The following TMPRSS9 variants were observed in gnomAD, a reference collection of about 807,000 sequenced individuals.
The protein encoded by TMPRSS9 is transmembrane serine protease 9, also known as transmembrane protease serine 9.
TMPRSS9 carries 113 observed loss-of-function variants against 111.4 expected under a neutral mutation model. That is an observed-to-expected ratio of 1.01 (90% CI 0.87 to 1.19). The LOEUF is 1.19. Among genes scored for constraint, TMPRSS9 ranks in the 50% most tolerant of loss-of-function variants. The pLI is 0.00. For synonymous variants in TMPRSS9, 805 were observed against 659.1 expected, an observed-to-expected ratio of 1.22 and a Z score of -3.39; for missense variants, 1,803 against 1,513.1, an observed-to-expected ratio of 1.19 and a Z score of -3.18.
upstream of TMPRSS9, among the ~76,000 whole-genome samples, chr19:2,389,161 C>T (rs1244585143): frequency 6.6e-6 from 1 of 151,062 alleles, no homozygotes; most frequent in East Asian, 1.9e-4. Context: ...GCAACCTCCG[C>T]CTCCCGGGTT....
chr19:2,425,487 C>G (rs1235911318), exon 17 of TMPRSS9: 1 of 1,582,528 alleles, frequency 6.3e-7, no homozygotes, highest in Non-Finnish European at 8.5e-7. Flanking sequence ...GCGTGGACAG[C>G]TGCTCGGTGA....
chr19:2,421,470 G>A (rs1028221070), intron 13 of TMPRSS9, among the ~76,000 whole-genome samples: 24 of 151,808 alleles, frequency 1.6e-4, no homozygotes, highest in Middle Eastern at 3.4e-3. Flanking sequence ...TGTATTTTTA[G>A]TAGAGACGGG....
intron 9 of TMPRSS9, among the ~76,000 whole-genome samples, chr19:2,411,534 A>T (rs1971097102): frequency 6.7e-6 from 1 of 149,122 alleles, no homozygotes; most frequent in Admixed American, 6.7e-5. Context: ...AGTAGCTGTG[A>T]TTATAGGCAT....
chr19:2,363,404 G>C (rs1028672928), intron 1 of TMPRSS9, among the ~76,000 whole-genome samples: 2 of 151,944 alleles, frequency 1.3e-5, no homozygotes, highest in African/African-American at 4.8e-5. Context: ...TTGCGGAGAC[G>C]TGGAGGCATG....
chr19:2,381,116 AG>A (rs1970381897), intron 1 of TMPRSS9, among the ~76,000 whole-genome samples: 1 of 152,032 alleles, frequency 6.6e-6, no homozygotes, highest in Admixed American at 6.6e-5. Context: ...CTCTGAGCTC[AG>A]AGAATCGTAT....
chr19:2,369,469 G>A (rs1229301875), intron 1 of TMPRSS9, among the ~76,000 whole-genome samples: 1 of 152,014 alleles, frequency 6.6e-6, no homozygotes, highest in African/African-American at 2.4e-5. Context: ...CCCTCACCCA[G>A]GCTGCAGTGT....
intron 1 of TMPRSS9, among the ~76,000 whole-genome samples, chr19:2,376,697 T>C (rs1442873752): frequency 6.6e-6 from 1 of 152,136 alleles, no homozygotes. Flanking sequence ...CCTCAAATGA[T>C]CCGCTCTCCT....
At chr19:2,363,552 C>T (rs1028787119) in intron 1 of TMPRSS9, among the ~76,000 whole-genome samples, 4 of 151,382 alleles carry the variant, frequency 2.6e-5, no homozygotes, top group South Asian at 2.1e-4. Context: ...GGAGTGAGGT[C>T]GCGTGATTCC....
intron 7 of TMPRSS9, among the ~76,000 whole-genome samples, chr19:2,406,053 C>A (rs1485243312): frequency 9.1e-5 from 13 of 142,258 alleles, no homozygotes; most frequent in African/African-American, 3.2e-4. Flanking sequence ...CTCTGTCACC[C>A]AGGCTGGAGT....
exon 11 of TMPRSS9, chr19:2,415,724 G>C (rs1971215350): frequency 6.2e-7 from 1 of 1,609,668 alleles, no homozygotes; most frequent in Non-Finnish European, 8.5e-7. Flanking sequence ...GGCGGGTTCG[G>C]AGCTGCCTCC....
At chr19:2,385,881 C>G (rs1970465533), upstream of TMPRSS9, among the ~76,000 whole-genome samples, 1 of 151,880 alleles carries the variant, frequency 6.6e-6, no homozygotes, top group Non-Finnish European at 1.5e-5. Flanking sequence ...CGTATCTATT[C>G]CAGGGGTCAG....
exon 18 of TMPRSS9, chr19:2,426,238 A>AAGGTC: frequency 5.7e-6 from 5 of 870,078 alleles, no homozygotes; most frequent in Middle Eastern, 3.4e-4. Context: ...CCTTTGTTCC[A>AAGGTC]ATAAACACAG....
chr19:2,415,237 G>A (rs531469519), intron 10 of TMPRSS9, among the ~76,000 whole-genome samples: 85 of 152,114 alleles, frequency 5.6e-4, no homozygotes, highest in African/African-American at 1.9e-3. Context: ...GAGCCACCGC[G>A]CCCGGCCATG....
At chr19:2,368,786 T>G (rs192194491) in intron 1 of TMPRSS9, among the ~76,000 whole-genome samples, 4,560 of 116,604 alleles carry the variant, frequency 0.039, 484 homozygotes, top group African/African-American at 0.16. Flanking sequence ...TTTTTTTTTT[T>G]TTTTTTTTTT....
chr19:2,374,124 G>A (rs1053901446), intron 1 of TMPRSS9, among the ~76,000 whole-genome samples: 1 of 151,764 alleles, frequency 6.6e-6, no homozygotes, highest in Non-Finnish European at 1.5e-5. Context: ...ACCCCTCCGC[G>A]GCTTCACTGC....
chr19:2,375,789 C>T (rs73919625), intron 1 of TMPRSS9, among the ~76,000 whole-genome samples: 16,868 of 152,010 alleles, frequency 0.11, 1,828 homozygotes, highest in African/African-American at 0.29. Context: ...GCTGGGCAGA[C>T]AAAAAACACA....
chr19:2,371,278 C>A (rs1468537953), intron 1 of TMPRSS9, among the ~76,000 whole-genome samples: 1 of 152,200 alleles, frequency 6.6e-6, no homozygotes, highest in African/African-American at 2.4e-5. Context: ...CGTGGCTCTG[C>A]TAACAAAGTC....
At chr19:2,362,778 G>A (rs1344468571) in intron 1 of TMPRSS9, among the ~76,000 whole-genome samples, 1 of 151,974 alleles carries the variant, frequency 6.6e-6, no homozygotes, top group Admixed American at 6.6e-5. Context: ...TATAATTTGT[G>A]GATGGTGGAG....
At chr19:2,362,758 T>A (rs1340591062) in intron 1 of TMPRSS9, among the ~76,000 whole-genome samples, 2 of 151,880 alleles carry the variant, frequency 1.3e-5, no homozygotes, top group Admixed American at 1.3e-4. Flanking sequence ...ACTTGCATGA[T>A]GAGATTGTGT....
Sources: gnomAD v4.1 joint callset for allele counts (sites outside exome capture counted in the v4.1 genomes callset) on GRCh38, gnomAD v4.1.1 for gene constraint, MANE v1.5 for transcripts, NCBI Gene and HGNC (gene_info 2026-07-23, HGNC 2026-07-21) for gene names.